KIAA0319: variants seen among roughly 807,000 people sequenced by gnomAD.
The protein encoded by KIAA0319 is KIAA0319.
Under a neutral mutation model 108.4 loss-of-function variants are expected in KIAA0319, and 83 were observed. The ratio of observed to expected loss-of-function variants is 0.77; its 90% CI spans 0.64 to 0.92. The LOEUF (loss-of-function observed/expected upper bound fraction) is 0.92. Among genes scored for constraint, KIAA0319 ranks in the 40% least tolerant of loss-of-function variants. The probability of loss-of-function intolerance (pLI) is 0.00; values close to 1 mark genes in which losing one functional copy is unlikely to be tolerated. For synonymous variants in KIAA0319, 484 were observed against 510.4 expected (o/e 0.95, Z 0.70); for missense variants, 1,195 against 1,322.4 (o/e 0.90, Z 1.49).
intron 1 of KIAA0319, among the ~76,000 whole-genome samples, chr6:24,643,244 T>TA (rs1777194881): frequency 3.3e-5 from 5 of 152,180 alleles, no homozygotes; most frequent in Admixed American, 2.6e-4. Flanking sequence ...TTAATACAAA[T>TA]AAATGAGAAA....
chr6:24,543,433 ATTTT>A (rs890150135), downstream of KIAA0319, among the ~76,000 whole-genome samples: 1 of 151,288 alleles, frequency 6.6e-6, no homozygotes, highest in Non-Finnish European at 1.5e-5. Context: ...CTCAATCTGC[ATTTT>A]TTTTTCTTTT....
Position 24,564,230 on chromosome 6 carries a change from T to C in KIAA0319, c.2403A>G (p.Thr801=). ...RVTDSQGASD[T]DTATVEVQPD... ...GCTGCACTTCCACAGTGGCAGTGTC[T>C]GTGTCCGAGGCCCCCTGACTGTCGG... Residue 801 remains threonine (T), a synonymous_variant, in exon 15 of 21, where the codon ACA becomes ACG. Transcript: ENST00000378214. 3 of 1,614,098 alleles carry C rather than the reference T, an allele frequency of 1.9e-6. No individual in the cohort carries two copies. The highest frequency in any genetic ancestry group is 2.5e-6 in the Non-Finnish European group (3 of 1,179,996).
intron 1 of KIAA0319, among the ~76,000 whole-genome samples, chr6:24,629,254 G>A (rs543493830): frequency 5.3e-5 from 8 of 152,160 alleles, no homozygotes; most frequent in Non-Finnish European, 1.5e-5. Flanking sequence ...GGTGGCTCAC[G>A]CCTGTAACCC....
At position 24,594,240 on chromosome 6, in the gene KIAA0319, A is replaced by G. The variant is rs1289642409; in HGVS notation, c.801+1633T>C. Among the ~76,000 whole-genome samples the G allele has an allele frequency of 7.5e-5, 9 of 120,594 alleles. No homozygotes were observed. The South Asian group carries it at 1.0e-3, about 14-fold the overall frequency. 79.1% of individuals were successfully genotyped at this position (120,594 alleles called of 152,430 possible). ...AAAAAAAAAAAAAAAAAAAAAAAAA[A>G]AAAGAAAGTTTTTTCATTTTAATCC... On this transcript the variant is annotated intron_variant, in intron 3 of 20. Coordinates refer to ENST00000378214, the MANE Select transcript of KIAA0319 (RefSeq NM_014809.4).
At position 24,559,113 on chromosome 6, in the gene KIAA0319, C is replaced by A; in HGVS notation, c.2634G>T (p.Lys878Asn). Reference protein sequence around the residue: ...VFYVQSRPPFKVLKAAEVARN... With the variant: ...VFYVQSRPPFNVLKAAEVARN... The stretch of plus-strand genomic sequence containing the variant: ...GGGCCACTTCAGCAGCTTTGAGAAC[C>A]TTGAAAGGCGGCCTGCTCTGTACAT... The change falls in exon 17 of 21, where the codon AAG (lysine) becomes AAT (asparagine). Residue 878 changes from lysine to asparagine, a missense_variant. Coordinates refer to ENST00000378214, the MANE Select transcript of KIAA0319 (RefSeq NM_014809.4). 1 of 1,613,728 alleles carries A rather than the reference C, an allele frequency of 6.2e-7. No homozygotes were observed. The highest frequency in any genetic ancestry group is 8.5e-7 in the Non-Finnish European group (1 of 1,180,024).
At chr6:24,567,414 G>C (rs866601472) in intron 13 of KIAA0319, among the ~76,000 whole-genome samples, 10 of 152,114 alleles carry the variant, frequency 6.6e-5, no homozygotes, top group Non-Finnish European at 7.4e-5. Flanking sequence ...ATATAAATGA[G>C]GCAATGGCCA....
chr6:24,556,471 T>G, intron 18 of KIAA0319, 136 bp downstream of exon 18: 1 of 941,490 alleles, frequency 1.1e-6, no homozygotes. Flanking sequence ...CTGGCTTATT[T>G]TGTTATTTTT....
rs1274399725 is a variant in KIAA0319, at chr6:24,553,290, TATATACAC to T, written c.2948+1243_2948+1250del. Among the ~76,000 whole-genome samples, 169 of 80,630 alleles carry T rather than the reference TATATACAC, an allele frequency of 2.1e-3. 2 individuals carry two copies. Among genetic ancestry groups the T allele is most frequent in the African/African-American group, 6.3e-3 (114 of 18,146 alleles). The allele number at this position is 80,630 out of a possible 152,430, so 52.9% of individuals were successfully genotyped here. ...TGTGAGATAGATATATATATATATA[TATATACAC>T]ACACACACACACACACACACACACA... On this transcript the variant is annotated intron_variant, in intron 19 of 20. Coordinates refer to ENST00000378214, the MANE Select transcript of KIAA0319 (RefSeq NM_014809.4).
intron 10 of KIAA0319, among the ~76,000 whole-genome samples, chr6:24,574,278 A>C (rs530690286): frequency 3.9e-5 from 6 of 152,108 alleles, no homozygotes; most frequent in South Asian, 2.1e-4. Flanking sequence ...CACAAAAAAA[A>C]CCACAAAAAT....
chr6:24,573,987 C>T (rs1453837066), intron 10 of KIAA0319, among the ~76,000 whole-genome samples: 1 of 152,050 alleles, frequency 6.6e-6, no homozygotes, highest in Non-Finnish European at 1.5e-5. Flanking sequence ...TGGTGGCAGG[C>T]ACCTGTAATC....
At chr6:24,623,055 A>AAG (rs561626773) in intron 1 of KIAA0319, among the ~76,000 whole-genome samples, 2,742 of 151,694 alleles carry the variant, frequency 0.018, 41 homozygotes, top group Non-Finnish European at 0.027. Context: ...AGAAAAAAAA[A>AAG]AGAGAGAGAG....
intron 17 of KIAA0319, among the ~76,000 whole-genome samples, chr6:24,558,345 G>A (rs1762588675): frequency 7.0e-6 from 1 of 142,054 alleles, no homozygotes; most frequent in South Asian, 2.3e-4. Context: ...AAAGTCAATT[G>A]TAGATGGATA....
chr6:24,544,437 A>C lies in KIAA0319; in HGVS notation c.*2728T>G, dbSNP rs1760379285. The C allele has an allele frequency of 1.3e-5, 2 of 152,252 alleles. No homozygotes were observed. Among genetic ancestry groups the C allele is most frequent in the Admixed American group, 1.3e-4 (2 of 15,290 alleles). The allele number at this position is 152,252 out of a possible 1,614,324, so 9.4% of individuals were successfully genotyped here. ...TAGGGAAAAATAATATATTTTAAGC[A>C]ATAAAACCAAGATTAAAATAGTCCA... On this transcript the variant is annotated 3_prime_UTR_variant, in exon 21 of 21. Transcript: ENST00000378214.
At chr6:24,622,656 G>A (rs750328509) in intron 1 of KIAA0319, among the ~76,000 whole-genome samples, 36 of 152,196 alleles carry the variant, frequency 2.4e-4, no homozygotes, top group South Asian at 4.1e-4. Flanking sequence ...TCTGTTCTTC[G>A]CATTTTAAAC....
rs554161397 is a variant in KIAA0319 at position 24,558,204 on chromosome 6, A to C, written c.2734+809T>G. ...GATCACTTGAGGCCAGGAGTTTGAG[A>C]ACAGCCTGGCCAACATGGCTAAGGC... On this transcript the variant is annotated intron_variant, in intron 17 of 20. Transcript: ENST00000378214. 6.4e-4 allele frequency among the ~76,000 whole-genome samples: 98 copies of C among 152,168 alleles called. 1 individual carries two copies. The highest frequency in any genetic ancestry group is 1.3e-3 in the Non-Finnish European group (89 of 68,006).
At chr6:24,578,939 G>A (rs1765944587) in intron 8 of KIAA0319, among the ~76,000 whole-genome samples, 1 of 152,148 alleles carries the variant, frequency 6.6e-6, no homozygotes, top group Non-Finnish European at 1.5e-5. Flanking sequence ...TTTAAAATAT[G>A]CTTTATTTTC....
At chr6:24,633,497 T>C (rs554779480) in intron 1 of KIAA0319, among the ~76,000 whole-genome samples, 9 of 152,130 alleles carry the variant, frequency 5.9e-5, no homozygotes, top group Admixed American at 1.3e-4. Context: ...CAGTGGCTCA[T>C]GCCTGGAATC....
At chr6:24,609,291 A>G (rs1177946189) in intron 1 of KIAA0319, among the ~76,000 whole-genome samples, 1 of 139,404 alleles carries the variant, frequency 7.2e-6, no homozygotes, top group Non-Finnish European at 1.6e-5. Flanking sequence ...AAAAAAAAAG[A>G]AAAAAAAAAA....
At chr6:24,635,543 AAGG>A (rs991342549) in intron 1 of KIAA0319, among the ~76,000 whole-genome samples, 7 of 152,230 alleles carry the variant, frequency 4.6e-5, no homozygotes, top group Non-Finnish European at 1.0e-4. Flanking sequence ...TTGATAATAC[AAGG>A]AGAAGTCAGA....
Sources: allele counts gnomAD v4.1 joint callset (sites outside exome capture counted in the v4.1 genomes callset), GRCh38; gene constraint gnomAD v4.1.1; transcripts MANE v1.5; gene names NCBI Gene and HGNC (gene_info 2026-07-23, HGNC 2026-07-21).